PABPC4L: variants seen among roughly 807,000 people sequenced by gnomAD.
The protein encoded by PABPC4L is polyadenylate-binding protein 4-like.
For missense variants in PABPC4L, 452 were observed against 451.4 expected (o/e 1.00, Z -0.01); for synonymous variants, 169 against 164.1 (o/e 1.03, Z -0.23).
chr4:134,088,733 C>T, the PABPC4L span, among the ~76,000 whole-genome samples: 1 of 151,936 alleles, frequency 6.6e-6, no homozygotes, highest in African/African-American at 2.4e-5. Context: ...TATGGGGCTT[C>T]CCAGGCTCCA....
the PABPC4L span, among the ~76,000 whole-genome samples, chr4:134,115,920 A>C: frequency 6.6e-6 from 1 of 151,802 alleles, no homozygotes; most frequent in Admixed American, 6.6e-5. Context: ...GAATTAAGTA[A>C]ATATTATTTG....
At chr4:134,093,226 G>A in the PABPC4L span, among the ~76,000 whole-genome samples, 17 of 148,712 alleles carry the variant, frequency 1.1e-4, no homozygotes, top group South Asian at 2.3e-3. Flanking sequence ...CCTTCTTTGT[G>A]CTTTCTTTTA....
the PABPC4L span, among the ~76,000 whole-genome samples, chr4:134,134,128 A>G: frequency 6.6e-6 from 1 of 152,064 alleles, no homozygotes; most frequent in African/African-American, 2.4e-5. Context: ...TAGTTTTTTC[A>G]TACATTAGAA....
chr4:134,030,496 C>A, the PABPC4L span, among the ~76,000 whole-genome samples: 13 of 151,898 alleles, frequency 8.6e-5, no homozygotes, highest in Non-Finnish European at 1.8e-4. Context: ...CATATCAATC[C>A]ACCTCTTCTG....
At chr4:134,008,881 C>A in the PABPC4L span, among the ~76,000 whole-genome samples, 1 of 151,440 alleles carries the variant, frequency 6.6e-6, no homozygotes, top group Non-Finnish European at 1.5e-5. Context: ...TGAGGTTCAA[C>A]AATAAAAGAG....
At chr4:134,147,973 T>C in the PABPC4L span, among the ~76,000 whole-genome samples, 1 of 152,112 alleles carries the variant, frequency 6.6e-6, no homozygotes, top group Non-Finnish European at 1.5e-5. Context: ...TCACACTTCA[T>C]AATTTCACTT....
At chr4:133,962,363 A>T in the PABPC4L span, among the ~76,000 whole-genome samples, 1 of 152,240 alleles carries the variant, frequency 6.6e-6, no homozygotes, top group Non-Finnish European at 1.5e-5. Context: ...GCGAAGCCCA[A>T]TGCAAGCAAA....
chr4:134,079,357 G>A, the PABPC4L span, among the ~76,000 whole-genome samples: 14 of 151,062 alleles, frequency 9.3e-5, no homozygotes, highest in South Asian at 2.1e-4. Flanking sequence ...TGAGACAGGC[G>A]GATCACGAGG....
the PABPC4L span, among the ~76,000 whole-genome samples, chr4:133,990,949 A>G: frequency 6.6e-6 from 1 of 152,120 alleles, no homozygotes; most frequent in African/African-American, 2.4e-5. Flanking sequence ...TTCATCTTTC[A>G]TATAATTTTT....
chr4:134,074,067 T>C, the PABPC4L span, among the ~76,000 whole-genome samples: 1 of 152,224 alleles, frequency 6.6e-6, no homozygotes. Flanking sequence ...CTTATGCAAA[T>C]TTCTGCAGCC....
the PABPC4L span, among the ~76,000 whole-genome samples, chr4:133,972,126 T>C: frequency 6.6e-6 from 1 of 152,194 alleles, no homozygotes; most frequent in Admixed American, 6.5e-5. Context: ...ATCTAGGAGT[T>C]ACGATTGTTC....
the PABPC4L span, among the ~76,000 whole-genome samples, chr4:133,954,633 G>T: frequency 2.6e-5 from 4 of 151,976 alleles, no homozygotes; most frequent in African/African-American, 9.7e-5. Context: ...CCTAGGCCTA[G>T]AATTCTTGTT....
the PABPC4L span, among the ~76,000 whole-genome samples, chr4:134,096,272 G>A: frequency 4.6e-5 from 7 of 151,918 alleles, no homozygotes; most frequent in African/African-American, 1.7e-4. Context: ...TAAACACACA[G>A]TAGATAAATC....
chr4:134,021,165 A>T, the PABPC4L span, among the ~76,000 whole-genome samples: 2 of 152,174 alleles, frequency 1.3e-5, no homozygotes, highest in Admixed American at 6.6e-5. Context: ...CATGAACAAC[A>T]TCACATATCA....
chr4:134,090,563 G>C, the PABPC4L span, among the ~76,000 whole-genome samples: 1 of 151,868 alleles, frequency 6.6e-6, no homozygotes, highest in Admixed American at 6.6e-5. Context: ...CAAGGAGTTG[G>C]AGACCAGCCG....
the PABPC4L span, among the ~76,000 whole-genome samples, chr4:134,090,514 T>A: frequency 2.6e-5 from 4 of 152,000 alleles, no homozygotes; most frequent in Admixed American, 2.6e-4. Flanking sequence ...ATGCCTGTAA[T>A]TGCAGCAACT....
At chr4:134,140,841 C>G in the PABPC4L span, among the ~76,000 whole-genome samples, 1 of 151,330 alleles carries the variant, frequency 6.6e-6, no homozygotes, top group East Asian at 1.9e-4. Flanking sequence ...GGATATGTGA[C>G]CATTGATTGT....
the PABPC4L span, among the ~76,000 whole-genome samples, chr4:134,129,445 T>C: frequency 6.6e-6 from 1 of 151,874 alleles, no homozygotes; most frequent in African/African-American, 2.4e-5. Context: ...TCTCAACAAA[T>C]TTATGAAAGT....
the PABPC4L span, among the ~76,000 whole-genome samples, chr4:134,167,424 T>G: frequency 6.6e-6 from 1 of 151,472 alleles, no homozygotes; most frequent in East Asian, 1.9e-4. Context: ...ATAATAATAA[T>G]AATAAATAAA....
Sources: gnomAD v4.1 joint callset for allele counts (sites outside exome capture counted in the v4.1 genomes callset) on GRCh38, gnomAD v4.1.1 for gene constraint, MANE v1.5 for transcripts, NCBI Gene and HGNC (gene_info 2026-07-23, HGNC 2026-07-21) for gene names.